NFIC: variants seen among roughly 807,000 people sequenced by gnomAD.
NFIC encodes nuclear factor I C.
NFIC carries 12 observed loss-of-function variants against 54.4 expected under a neutral mutation model. The observed-to-expected ratio is 0.22, with a 90% CI of 0.14 to 0.36. NFIC has a LOEUF of 0.36. Ranked by LOEUF, NFIC falls within the 10% of genes least tolerant of loss-of-function variation. The pLI is 1.00. For missense variants in NFIC, 575 were observed against 718.2 expected, an observed-to-expected ratio of 0.80 and a Z score of 2.28; for synonymous variants, 322 against 319.2, an observed-to-expected ratio of 1.01 and a Z score of -0.09.
At chr19:3,365,120 A>G (rs370290775), upstream of NFIC, among the ~76,000 whole-genome samples, 15 of 152,168 alleles carry the variant, frequency 9.9e-5, no homozygotes, top group East Asian at 5.8e-4. Context: ...TACCTGTCAG[A>G]CCCTGGGCAA....
intron 2 of NFIC, among the ~76,000 whole-genome samples, chr19:3,387,897 G>A (rs950349240): frequency 3.9e-5 from 6 of 152,098 alleles, no homozygotes; most frequent in African/African-American, 1.2e-4. Flanking sequence ...GAGGGAAGCT[G>A]TCTGCCCGCC....
At chr19:3,386,375 T>C (rs1382862614) in intron 2 of NFIC, among the ~76,000 whole-genome samples, 1 of 131,936 alleles carries the variant, frequency 7.6e-6, no homozygotes, top group Non-Finnish European at 1.5e-5. Context: ...CAGGCTGGAG[T>C]GCAGTGGCGC....
At chr19:3,460,157 C>G (rs928438127) in intron 10 of NFIC, among the ~76,000 whole-genome samples, 8 of 152,228 alleles carry the variant, frequency 5.3e-5, no homozygotes, top group African/African-American at 1.9e-4. Flanking sequence ...TGAGAGTCAT[C>G]CTCAGCCCCC....
At chr19:3,386,426 G>T (rs1340236499) in intron 2 of NFIC, among the ~76,000 whole-genome samples, 1 of 147,666 alleles carries the variant, frequency 6.8e-6, no homozygotes, top group African/African-American at 2.5e-5. Context: ...GGGTTCAAGC[G>T]ATTCTCATGC....
In NFIC at chr19:3,452,716, C is replaced by T. The variant is rs370712217; in HGVS notation, c.1269+50C>T. ...GCCTCTCCTGGCGGCTCCAGGTGAC[C>T]TCCCGGGGGCCACGTGCTCACACGA... is the stretch of plus-strand genomic sequence containing the variant. On this transcript the variant is annotated intron_variant, in intron 8 of 10. Transcript: ENST00000443272. The surrounding 1 kb of genome is among the most constrained non-coding windows in gnomAD (Gnocchi z 5.3). 2.1e-5 allele frequency: 33 copies of T among 1,535,196 alleles called. No individual in the cohort carries two copies. The African/African-American group carries it at 3.4e-4, about 16-fold the overall frequency.
intron 2 of NFIC, among the ~76,000 whole-genome samples, chr19:3,416,809 C>T (rs1459752803): frequency 6.6e-6 from 1 of 151,654 alleles, no homozygotes; most frequent in Admixed American, 6.6e-5. Flanking sequence ...AGGCGTGAGC[C>T]ACCGTGCCCA....
upstream of NFIC, among the ~76,000 whole-genome samples, chr19:3,361,836 G>C (rs538593211): frequency 6.6e-6 from 1 of 151,808 alleles, no homozygotes; most frequent in South Asian, 2.1e-4. Flanking sequence ...ACACGTGCAT[G>C]CAGTCATAGT....
At chr19:3,359,717 C>T (rs1475789139) in intron 1 of NFIC, 19 of 1,421,148 alleles carry the variant, frequency 1.3e-5, no homozygotes, top group Non-Finnish European at 1.7e-5. Context: ...CGTTTTCGCC[C>T]GGGGACTTTT....
chr19:3,442,494 C>T (rs2082309655), intron 6 of NFIC, among the ~76,000 whole-genome samples: 1 of 151,264 alleles, frequency 6.6e-6, no homozygotes, highest in Non-Finnish European at 1.5e-5. Context: ...AATTCTTCTG[C>T]TTCAGCCTCG....
intron 2 of NFIC, among the ~76,000 whole-genome samples, chr19:3,417,810 A>ATT (rs1383181442): frequency 1.0e-5 from 1 of 96,512 alleles, no homozygotes; most frequent in African/African-American, 3.8e-5. Flanking sequence ...TTTTTTTTGT[A>ATT]TTTTTTTTTA....
intron 1 of NFIC, among the ~76,000 whole-genome samples, chr19:3,372,081 C>T (rs1042195187): frequency 6.8e-6 from 1 of 146,852 alleles, no homozygotes; most frequent in Non-Finnish European, 1.5e-5. Context: ...AGTGCAGTGG[C>T]GTGATCTCAG....
chr19:3,363,230 T>TGTGTGTGTGTGTGC (rs1406050027), upstream of NFIC, among the ~76,000 whole-genome samples: 13 of 57,460 alleles, frequency 2.3e-4, no homozygotes, highest in Non-Finnish European at 3.0e-4. Flanking sequence ...TATATGTATG[T>TGTGTGTGTGTGTGC]GTATGTGTGT....
At chr19:3,394,527 C>CCT (rs1184211402) in intron 2 of NFIC, among the ~76,000 whole-genome samples, 1 of 61,928 alleles carries the variant, frequency 1.6e-5, no homozygotes, top group African/African-American at 5.7e-5. Context: ...CCACCCACCC[C>CCT]CCACCCGCTT....
intron 3 of NFIC, among the ~76,000 whole-genome samples, chr19:3,429,177 G>T (rs1386712482): frequency 1.5e-5 from 1 of 68,804 alleles, no homozygotes; most frequent in African/African-American, 6.2e-5. Context: ...ACACACACTA[G>T]CCCCAGGAGT....
chr19:3,449,252 C>T, intron 7 of NFIC, 113 bp downstream of exon 7: 1 of 1,430,220 alleles, frequency 7.0e-7, no homozygotes, highest in Non-Finnish European at 9.2e-7. Context: ...CTGTAGCCTT[C>T]TAGGTGGGCA....
At chr19:3,393,948 T>C (rs1307284173) in intron 2 of NFIC, among the ~76,000 whole-genome samples, 1 of 151,256 alleles carries the variant, frequency 6.6e-6, no homozygotes, top group Non-Finnish European at 1.5e-5. Context: ...TAATGTTAAT[T>C]TTTTTTTTCC....
chr19:3,429,231 C>CA (rs367681612), intron 3 of NFIC, among the ~76,000 whole-genome samples: 795 of 36,578 alleles, frequency 0.022, 188 homozygotes, highest in East Asian at 0.11. Flanking sequence ...ATCTCTACCC[C>CA]AAAAAAAAAA....
intron 2 of NFIC, among the ~76,000 whole-genome samples, chr19:3,382,887 T>C (rs1183173943): frequency 6.6e-6 from 1 of 151,246 alleles, no homozygotes; most frequent in Non-Finnish European, 1.5e-5. Context: ...GGAGGTCAGA[T>C]GGAGGAGGCA....
At chr19:3,383,736 G>T (rs1472290625) in intron 2 of NFIC, among the ~76,000 whole-genome samples, 1 of 152,170 alleles carries the variant, frequency 6.6e-6, no homozygotes, top group Non-Finnish European at 1.5e-5. Flanking sequence ...TACGCCAGAC[G>T]CAGACCCACA....
Sources: allele counts gnomAD v4.1 joint callset (sites outside exome capture counted in the v4.1 genomes callset), GRCh38; gene constraint gnomAD v4.1.1; non-coding constraint Gnocchi (gnomAD v3.1); transcripts MANE v1.5; gene names NCBI Gene and HGNC (gene_info 2026-07-23, HGNC 2026-07-21).